CA10: variants seen among roughly 807,000 people sequenced by gnomAD.
The protein encoded by CA10 is carbonic anhydrase-related protein 10.
A neutral mutation model predicts 44.2 loss-of-function variants in CA10; 14 were observed. That is an observed-to-expected ratio of 0.32 (90% CI 0.21 to 0.50). CA10 has a LOEUF of 0.50. CA10 is among the 20% of genes least tolerant of loss of function. The probability of loss-of-function intolerance (pLI) is 0.99; values close to 1 mark genes in which losing one functional copy is unlikely to be tolerated. For missense variants in CA10, 350 were observed against 409.7 expected, an observed-to-expected ratio of 0.85 and a Z score of 1.26; for synonymous variants, 159 against 141.6, an observed-to-expected ratio of 1.12 and a Z score of -0.87.
chr17:51,973,500 A>G (rs1170576206), intron 2 of CA10, among the ~76,000 whole-genome samples: 5 of 152,210 alleles, frequency 3.3e-5, no homozygotes, highest in African/African-American at 1.2e-4. Context: ...GCAGAGAATA[A>G]CTTCTGGGGA....
chr17:52,007,830 A>C (rs902179878), intron 2 of CA10, among the ~76,000 whole-genome samples: 3 of 151,508 alleles, frequency 2.0e-5, no homozygotes, highest in African/African-American at 7.2e-5. Flanking sequence ...TTACTCATAA[A>C]TCCATTTATA....
At chr17:52,053,299 C>A (rs1987130165) in intron 2 of CA10, among the ~76,000 whole-genome samples, 1 of 152,040 alleles carries the variant, frequency 6.6e-6, no homozygotes, top group Non-Finnish European at 1.5e-5. Context: ...CCAATACCAA[C>A]TGAGCTCTTT....
At chr17:51,934,656 T>C (rs376117634) in intron 2 of CA10, among the ~76,000 whole-genome samples, 4 of 152,088 alleles carry the variant, frequency 2.6e-5, no homozygotes, top group African/African-American at 7.2e-5. Context: ...GTTCAGGCGA[T>C]GTGTTTGGGT....
At chr17:52,069,667 GC>G (rs1248011796) in intron 2 of CA10, among the ~76,000 whole-genome samples, 2 of 152,120 alleles carry the variant, frequency 1.3e-5, no homozygotes, top group African/African-American at 4.8e-5. Context: ...CAAACTTGGT[GC>G]TCAGCACAAG....
At chr17:51,987,130 A>G (rs564791219) in intron 2 of CA10, among the ~76,000 whole-genome samples, 1 of 152,228 alleles carries the variant, frequency 6.6e-6, no homozygotes, top group South Asian at 2.1e-4. Flanking sequence ...CAATGAGTGG[A>G]TAAAGAAACT....
chr17:51,957,288 C>T (rs1347507623), intron 2 of CA10, among the ~76,000 whole-genome samples: 1 of 152,156 alleles, frequency 6.6e-6, no homozygotes, highest in Admixed American at 6.6e-5. Context: ...ACTGGTTCTA[C>T]TGAAACATTT....
At chr17:51,635,523 A>G (rs1168325027) in intron 7 of CA10, among the ~76,000 whole-genome samples, 1 of 151,988 alleles carries the variant, frequency 6.6e-6, no homozygotes, top group East Asian at 1.9e-4. Context: ...CAAAAAAGAA[A>G]AAAAAAAAGA....
At chr17:51,881,633 C>G (rs1249975744) in intron 3 of CA10, among the ~76,000 whole-genome samples, 1 of 152,116 alleles carries the variant, frequency 6.6e-6, no homozygotes, top group African/African-American at 2.4e-5. Flanking sequence ...AGGCAATTTA[C>G]AAACAAATAC....
intron 3 of CA10, among the ~76,000 whole-genome samples, chr17:51,789,084 G>A (rs1460209993): frequency 2.0e-5 from 3 of 152,036 alleles, no homozygotes; most frequent in African/African-American, 7.2e-5. Context: ...ATCTCAGCTT[G>A]GATCACTGCA....
At chr17:52,142,018 A>G (rs571097491) in intron 1 of CA10, among the ~76,000 whole-genome samples, 1 of 152,326 alleles carries the variant, frequency 6.6e-6, no homozygotes, top group South Asian at 2.1e-4. Context: ...TGGACTGCTC[A>G]TAACAGTGTT....
At chr17:52,043,701 A>G (rs1415355047) in intron 2 of CA10, among the ~76,000 whole-genome samples, 4 of 152,122 alleles carry the variant, frequency 2.6e-5, no homozygotes, top group Admixed American at 2.0e-4. Flanking sequence ...CTTGTCATAC[A>G]TGGCCTTTAT....
chr17:51,943,502 ACTC>A (rs1432800061), intron 2 of CA10, among the ~76,000 whole-genome samples: 1 of 152,126 alleles, frequency 6.6e-6, no homozygotes, highest in Non-Finnish European at 1.5e-5. Flanking sequence ...AATTTCTGGC[ACTC>A]CTCAACACCT....
chr17:51,961,188 A>AACACAAAC (rs1555614374), intron 2 of CA10, among the ~76,000 whole-genome samples: 1 of 145,004 alleles, frequency 6.9e-6, no homozygotes, highest in East Asian at 2.0e-4. Context: ...TGTACACACA[A>AACACAAAC]ACACACACAC....
chr17:51,936,999 C>G (rs965278845), intron 2 of CA10, among the ~76,000 whole-genome samples: 1 of 152,084 alleles, frequency 6.6e-6, no homozygotes, highest in Non-Finnish European at 1.5e-5. Flanking sequence ...TAGTGCTTTA[C>G]AAGCCATTCT....
intron 2 of CA10, among the ~76,000 whole-genome samples, chr17:51,933,633 T>C (rs1432072017): frequency 1.3e-5 from 2 of 152,132 alleles, no homozygotes; most frequent in Non-Finnish European, 2.9e-5. Context: ...AACGGAAAAG[T>C]AATACAGCAC....
At chr17:51,690,957 A>G (rs1227480169) in intron 4 of CA10, among the ~76,000 whole-genome samples, 1 of 151,778 alleles carries the variant, frequency 6.6e-6, no homozygotes, top group African/African-American at 2.4e-5. Flanking sequence ...TATCCACTAC[A>G]TTTTCTTTAC....
chr17:52,013,783 AG>A (rs1250482989), intron 2 of CA10, among the ~76,000 whole-genome samples: 1 of 151,970 alleles, frequency 6.6e-6, no homozygotes, highest in Non-Finnish European at 1.5e-5. Context: ...GACTGGTTTC[AG>A]AACCCCACTC....
intron 4 of CA10, among the ~76,000 whole-genome samples, chr17:51,733,102 G>A (rs1034562151): frequency 1.3e-5 from 2 of 152,144 alleles, no homozygotes. Flanking sequence ...CTAAGATGCC[G>A]TCAGGAACTA....
intron 3 of CA10, among the ~76,000 whole-genome samples, chr17:51,915,279 T>C (rs887863372): frequency 3.3e-4 from 50 of 152,290 alleles, no homozygotes; most frequent in Middle Eastern, 3.4e-3. Flanking sequence ...GCAAGGACAA[T>C]TTGTTCGTCA....
Sources: gnomAD v4.1 joint callset for allele counts (sites outside exome capture counted in the v4.1 genomes callset) on GRCh38, gnomAD v4.1.1 for gene constraint, MANE v1.5 for transcripts, NCBI Gene and HGNC (gene_info 2026-07-23, HGNC 2026-07-21) for gene names.